CLTRN: variants seen among roughly 807,000 people sequenced by gnomAD.
CLTRN encodes the protein collectrin.
CLTRN carries 12 observed loss-of-function variants against 14.5 expected under a neutral mutation model. The ratio of observed to expected loss-of-function variants is 0.83; its 90% CI spans 0.53 to 1.34. The LOEUF (loss-of-function observed/expected upper bound fraction) is 1.34. CLTRN is among the 40% of genes most tolerant of loss of function. The pLI is 0.00. For missense variants in CLTRN, 154 were observed against 165.1 expected, an observed-to-expected ratio of 0.93 and a Z score of 0.37; for synonymous variants, 58 against 56.5, an observed-to-expected ratio of 1.03 and a Z score of -0.12.
At chrX:15,663,910 A>C (rs1357747426) in intron 2 of CLTRN, among the ~76,000 whole-genome samples, 1 of 112,340 alleles carries the variant, frequency 8.9e-6, no homozygotes, top group Non-Finnish European at 1.9e-5. Context: ...TCAAATTGGA[A>C]ATTTTTTGTG....
chrX:15,654,172 A>T (rs1441997642), intron 3 of CLTRN, among the ~76,000 whole-genome samples: 1 of 112,142 alleles, frequency 8.9e-6, no homozygotes, highest in Admixed American at 9.5e-5. Context: ...CAAGACCGTT[A>T]ATCCCCTTAC....
rs1186766311 is a variant in CLTRN at position 15,638,859 on chromosome X, T to C, written c.512+703A>G. ...AAGAAGTGAAACTCTACCTATAAATTGTTAAATTGAAAGCTCTCAAACTCA... is the reference window on the plus strand; with the variant it reads ...AAGAAGTGAAACTCTACCTATAAATCGTTAAATTGAAAGCTCTCAAACTCA... On this transcript the variant is annotated intron_variant, in intron 5 of 5. Transcript: ENST00000380342. 2.7e-5 allele frequency among the ~76,000 whole-genome samples: 3 copies of C among 111,943 alleles called. No homozygotes were observed. In the East Asian group the frequency reaches 8.3e-4, roughly 31 times the overall value.
At chrX:15,653,609 C>T (rs1435844904) in intron 3 of CLTRN, among the ~76,000 whole-genome samples, 1 of 111,913 alleles carries the variant, frequency 8.9e-6, no homozygotes, top group East Asian at 2.8e-4. Context: ...CCATCTCTTC[C>T]CTTCTCTGCC....
chrX:15,646,455 C>T (rs1415999373), intron 3 of CLTRN: 12 of 287,259 alleles, frequency 4.2e-5, no homozygotes, highest in African/African-American at 2.8e-4. Flanking sequence ...CAGAAAACCG[C>T]GCACCCACCC....
At chrX:15,629,529 A>G (rs1928643506) in intron 5 of CLTRN, among the ~76,000 whole-genome samples, 1 of 111,681 alleles carries the variant, frequency 9.0e-6, no homozygotes, top group Admixed American at 9.6e-5. Context: ...TATAATTGAC[A>G]AATAAAAATT....
chrX:15,646,845 C>T (rs988447317), intron 3 of CLTRN: 3 of 313,874 alleles, frequency 9.6e-6, no homozygotes, highest in Non-Finnish European at 1.9e-5. Context: ...TCGCCCCGCC[C>T]GAGCGCAGAG....
At chrX:15,644,145 T>C (rs937433759) in intron 4 of CLTRN, among the ~76,000 whole-genome samples, 5 of 111,940 alleles carry the variant, frequency 4.5e-5, no homozygotes, top group Admixed American at 9.5e-5. Flanking sequence ...TCGGGAAAAA[T>C]TGTAAAATAC....
At chrX:15,660,190 G>A (rs752884213) in intron 2 of CLTRN, among the ~76,000 whole-genome samples, 1 of 111,843 alleles carries the variant, frequency 8.9e-6, no homozygotes, top group Admixed American at 9.5e-5. Context: ...TGGCAGGGAG[G>A]ATAGTAAGTA....
At chrX:15,641,180 A>G (rs1207028676) in intron 4 of CLTRN, among the ~76,000 whole-genome samples, 1 of 112,427 alleles carries the variant, frequency 8.9e-6, no homozygotes, top group Non-Finnish European at 1.9e-5. Flanking sequence ...CTGCATTTTT[A>G]GTGGTGGTGG....
At chrX:15,650,575 C>A (rs923600521) in intron 3 of CLTRN, among the ~76,000 whole-genome samples, 19 of 111,893 alleles carry the variant, frequency 1.7e-4, no homozygotes, top group African/African-American at 6.2e-4. Flanking sequence ...TCTTAAGCAT[C>A]ATTTCTCTAA....
chrX:15,658,336 G>A (rs777665620), intron 3 of CLTRN, among the ~76,000 whole-genome samples: 5 of 112,642 alleles, frequency 4.4e-5, no homozygotes, highest in African/African-American at 1.3e-4. Flanking sequence ...TACTTAGCTA[G>A]AGAGTTGCAT....
At chrX:15,645,287 A>G (rs1929037383) in intron 3 of CLTRN, among the ~76,000 whole-genome samples, 1 of 111,670 alleles carries the variant, frequency 9.0e-6, no homozygotes, top group Admixed American at 9.4e-5. Context: ...GTCAGTGGAG[A>G]GCATTAGGGA....
intron 3 of CLTRN, 54 bp from the exon 4 acceptor site, chrX:15,645,083 T>C (rs1168515718): frequency 2.6e-6 from 2 of 763,696 alleles, no homozygotes; most frequent in African/African-American, 2.1e-5. Flanking sequence ...CCAAATGGCA[T>C]TAAACCGTTC....
intron 4 of CLTRN, among the ~76,000 whole-genome samples, chrX:15,640,864 T>A (rs1298469506): frequency 8.9e-6 from 1 of 112,099 alleles, no homozygotes; most frequent in Non-Finnish European, 1.9e-5. Context: ...GATCAGTAGA[T>A]CCACAACCAC....
At chrX:15,670,669 CCA>C (rs1401177754) in intron 1 of CLTRN, among the ~76,000 whole-genome samples, 1 of 110,710 alleles carries the variant, frequency 9.0e-6, no homozygotes, top group Non-Finnish European at 1.9e-5. Context: ...ATTTTGTGCT[CCA>C]GAGACACTTG....
chrX:15,633,964 C>T (rs907124887), intron 5 of CLTRN, among the ~76,000 whole-genome samples: 26 of 112,110 alleles, frequency 2.3e-4, no homozygotes, highest in African/African-American at 8.1e-4. Context: ...AATATTCTTA[C>T]TTATCTGGGC....
intron 4 of CLTRN, among the ~76,000 whole-genome samples, chrX:15,642,533 T>C (rs1268448774): frequency 8.9e-6 from 1 of 112,283 alleles, no homozygotes; most frequent in Non-Finnish European, 1.9e-5. Context: ...ACCTTTGAAA[T>C]AGACATTTTG....
chrX:15,648,374 C>T (rs1929137899), intron 3 of CLTRN, among the ~76,000 whole-genome samples: 1 of 111,691 alleles, frequency 9.0e-6, no homozygotes, highest in African/African-American at 3.3e-5. Flanking sequence ...AGCAGCAAAT[C>T]TGAGCTCTAT....
At chrX:15,665,460 G>T (rs1929603315), upstream of CLTRN, among the ~76,000 whole-genome samples, 1 of 112,292 alleles carries the variant, frequency 8.9e-6, no homozygotes, top group African/African-American at 3.2e-5. Context: ...AAACTGCACA[G>T]GTGCCTGCAC....
Sources: gnomAD v4.1 joint callset for allele counts (sites outside exome capture counted in the v4.1 genomes callset) on GRCh38, gnomAD v4.1.1 for gene constraint, MANE v1.5 for transcripts, NCBI Gene and HGNC (gene_info 2026-07-23, HGNC 2026-07-21) for gene names.